Variants in POM121C observed in about 807,000 individuals in gnomAD.
POM121C encodes nuclear envelope pore membrane protein POM 121C.
In POM121C, 20 loss-of-function variants were observed where a neutral mutation model predicts 66.4. The ratio of observed to expected loss-of-function variants is 0.30; its 90% confidence interval spans 0.21 to 0.44. POM121C has a LOEUF of 0.44. POM121C is among the 20% of genes least tolerant of loss of function. The pLI is 1.00. For synonymous variants in POM121C, 286 were observed against 528.0 expected, an observed-to-expected ratio of 0.54 and a Z score of 6.28; for missense variants, 580 against 1,225.7, an observed-to-expected ratio of 0.47 and a Z score of 7.87.
chr7:75,467,531 CAAAAAAA>C lies in POM121C; in HGVS notation c.-152+7166_-152+7172del, dbSNP rs58341825. Among the ~76,000 whole-genome samples, 70 of 65,352 alleles carry C rather than the reference CAAAAAAA, an allele frequency of 1.1e-3. 1 individual carries two copies. In the South Asian group the frequency reaches 0.039, roughly 36 times the overall value. The allele number at this position is 65,352 out of a possible 152,430, so 42.9% of individuals were successfully genotyped here. ...TGGGCGACAGAGCGAGATTCTGTCT[CAAAAAAA>C]AAAAAAAAAAAAAAAAATGTAATAT... On this transcript the variant is annotated intron_variant, in intron 3 of 14. Coordinates refer to ENST00000615331, the MANE Select transcript of POM121C (RefSeq NM_001099415.3).
intron 7 of POM121C, among the ~76,000 whole-genome samples, chr7:75,430,239 G>A (rs1790112815): frequency 6.6e-6 from 1 of 152,040 alleles, no homozygotes; most frequent in African/African-American, 2.4e-5. Context: ...ATGAGAAAGG[G>A]GGACGACTGA....
chr7:75,436,817 C>G lies in POM121C; in HGVS notation c.480+698G>C, dbSNP rs587614470. 2.6e-5 allele frequency among the ~76,000 whole-genome samples: 4 copies of G among 152,184 alleles called. No homozygotes were observed. In the South Asian group the frequency reaches 8.3e-4, roughly 32 times the overall value. On this transcript the variant is annotated intron_variant, in intron 7 of 14. Coordinates refer to ENST00000615331, the MANE Select transcript of POM121C (RefSeq NM_001099415.3). ...TTTCCTTTTCTTTGAGACACAGTCT[C>G]GCTCTGTTGCACAGGCTAGTCTTGA...
intron 3 of POM121C, among the ~76,000 whole-genome samples, chr7:75,459,712 G>A (rs1471728643): frequency 1.4e-5 from 2 of 138,966 alleles, no homozygotes; most frequent in African/African-American, 5.3e-5. Context: ...AAAGCAGTAA[G>A]AGGGTAAATA....
At chr7:75,478,700 C>A in intron 1 of POM121C, among the ~76,000 whole-genome samples, 1 of 143,618 alleles carries the variant, frequency 7.0e-6, no homozygotes, top group African/African-American at 2.6e-5. Context: ...AAGACAGCAA[C>A]AGAAGTTACA....
chr7:75,424,406 A>G, intron 11 of POM121C, 120 bp downstream of exon 11: 1 of 1,436,366 alleles, frequency 7.0e-7, no homozygotes, highest in South Asian at 1.2e-5. Context: ...AGACCACAAG[A>G]AAACATGGAA....
chr7:75,478,155 TG>T (rs1230919996), intron 1 of POM121C, among the ~76,000 whole-genome samples: 1 of 152,032 alleles, frequency 6.6e-6, no homozygotes. Flanking sequence ...TTAGTAGAGA[TG>T]GGGTTTCACC....
In POM121C at chr7:75,421,723, G is replaced by A. The variant is rs782003090; in HGVS notation, c.2529C>T (p.Pro843=). The A allele has an allele frequency of 1.4e-5, 22 of 1,607,798 alleles. No individual in the cohort carries two copies. The highest frequency in any genetic ancestry group is 4.5e-5 in the East Asian group (2 of 44,788). ...SPFTFGGSAA[P]AGSGSFGINV... The stretch of plus-strand genomic sequence containing the variant: ...TGATCCCAAAGCTCCCACTGCCAGC[G>A]GGGGCTGCCGAACCCCCAAACGTGA... The change falls in exon 13 of 15, where the codon CCC becomes CCT. Residue 843 remains proline, a synonymous_variant. Transcript: ENST00000615331.
chr7:75,481,042 T>A (rs1584721991), intron 1 of POM121C, among the ~76,000 whole-genome samples: 3 of 147,578 alleles, frequency 2.0e-5, no homozygotes, highest in Non-Finnish European at 4.5e-5. Flanking sequence ...TATATATATA[T>A]ATATAAATAT....
chr7:75,482,478 G>A (rs2116556754), intron 1 of POM121C, among the ~76,000 whole-genome samples: 1 of 152,270 alleles, frequency 6.6e-6, no homozygotes, highest in African/African-American at 2.4e-5. Flanking sequence ...CAGACTGCCT[G>A]AGCTCAGGAG....
At chr7:75,479,482 G>C (rs1303587497) in intron 1 of POM121C, among the ~76,000 whole-genome samples, 1 of 145,876 alleles carries the variant, frequency 6.9e-6, no homozygotes, top group African/African-American at 2.6e-5. Context: ...CGGGCGTGAT[G>C]GTGGGTGTCT....
rs76893352 is a variant in POM121C at position 75,471,764 on chromosome 7, G to A, written c.-152+2940C>T. Among the ~76,000 whole-genome samples, 129 of 152,252 alleles carry A rather than the reference G, an allele frequency of 8.5e-4. 2 individuals are homozygous for A. The East Asian group carries it at 0.015, about 18-fold the overall frequency. ...ACGAGCCACACTCCACACCTACTAC[G>A]CGCTGTCACGTGCTTGACAAAACCC... On this transcript the variant is annotated intron_variant, in intron 3 of 14. Transcript: ENST00000615331.
chr7:75,439,058 A>G (rs1469254942), intron 6 of POM121C, 86 bp downstream of exon 6: 1 of 1,476,490 alleles, frequency 6.8e-7, no homozygotes, highest in African/African-American at 1.4e-5. Flanking sequence ...AATGCAAAAA[A>G]CAAAGAGGAA....
intron 3 of POM121C, among the ~76,000 whole-genome samples, chr7:75,457,775 C>T (rs111889788): frequency 5.3e-5 from 8 of 152,376 alleles, no homozygotes; most frequent in African/African-American, 1.9e-4. Flanking sequence ...GTCCCACCCA[C>T]CGCAGAATAC....
intron 3 of POM121C, among the ~76,000 whole-genome samples, chr7:75,462,793 TGAG>T (rs1470813457): frequency 1.3e-5 from 2 of 151,872 alleles, no homozygotes; most frequent in African/African-American, 4.9e-5. Flanking sequence ...AGATTACAGT[TGAG>T]GCAAACTATA....
At chr7:75,440,885 G>A (rs1790617589) in intron 5 of POM121C, 69 bp downstream of exon 5, 19 of 1,612,376 alleles carry the variant, frequency 1.2e-5, no homozygotes, top group Middle Eastern at 1.9e-4. Flanking sequence ...ATCTTTACGG[G>A]AATGTCTACA....
chr7:75,484,662 C>CAA (rs10690558), intron 1 of POM121C, among the ~76,000 whole-genome samples: 1,206 of 48,146 alleles, frequency 0.025, 73 homozygotes, highest in South Asian at 0.036. Flanking sequence ...GACACTGTCT[C>CAA]AAAAAAAAAA....
In POM121C at chr7:75,441,534, T is replaced by A; in HGVS notation, c.-38A>T. ...AGGGGACAGCACAGCCTTCTTGTGA[T>A]AACCATTCCAGCACACTGTGGGAAG... is the stretch of plus-strand genomic sequence containing the variant. On this transcript the variant is annotated 5_prime_UTR_variant, in exon 4 of 15. Coordinates refer to ENST00000615331, the MANE Select transcript of POM121C (RefSeq NM_001099415.3). 2 of 1,613,778 alleles carry A rather than the reference T, an allele frequency of 1.2e-6. No individual in the cohort carries two copies. Among genetic ancestry groups the A allele is most frequent in the Non-Finnish European group, 1.7e-6 (2 of 1,179,786 alleles).
chr7:75,447,521 C>T (rs1172854638), intron 3 of POM121C, among the ~76,000 whole-genome samples: 1 of 150,896 alleles, frequency 6.6e-6, no homozygotes, highest in Non-Finnish European at 1.5e-5. Context: ...AACAGCAGTG[C>T]AACTTGATCT....
chr7:75,474,575 G>A (rs2923701), intron 3 of POM121C, 129 bp downstream of exon 3: 12 of 459,694 alleles, frequency 2.6e-5, no homozygotes, highest in East Asian at 1.3e-4. Flanking sequence ...GTATGTGTGC[G>A]GGAAGGAAAG....
Sources: allele counts gnomAD v4.1 joint callset (sites outside exome capture counted in the v4.1 genomes callset), GRCh38; gene constraint gnomAD v4.1.1; transcripts MANE v1.5; gene names NCBI Gene and HGNC (gene_info 2026-07-23, HGNC 2026-07-21).